RIF1: variants seen among roughly 807,000 people sequenced by gnomAD.
RIF1 encodes the protein telomere-associated protein RIF1.
RIF1 carries 45 observed loss-of-function variants against 247.1 expected under a neutral mutation model. The ratio of observed to expected loss-of-function variants is 0.18; its 90% CI spans 0.14 to 0.23. The LOEUF is 0.23. Ranked by LOEUF, RIF1 falls within the 10% of genes least tolerant of loss-of-function variation. The probability of loss-of-function intolerance (pLI) is 1.00; values close to 1 mark genes in which losing one functional copy is unlikely to be tolerated. For synonymous variants in RIF1, 1,087 were observed against 978.8 expected, an observed-to-expected ratio of 1.11 and a Z score of -2.06; for missense variants, 2,967 against 2,862.5, an observed-to-expected ratio of 1.04 and a Z score of -0.83.
the RIF1 span, among the ~76,000 whole-genome samples, chr2:151,520,622 T>C: frequency 6.6e-6 from 1 of 152,128 alleles, no homozygotes. Context: ...CTCAGCACTT[T>C]AGGAGGCCAA....
At chr2:151,492,048 C>T (rs1330210790) in intron 9 of RIF1, 1 of 1,568,504 alleles carries the variant, frequency 6.4e-7, no homozygotes. Flanking sequence ...TTTTGTTCTT[C>T]TACCCCCTCA....
the RIF1 span, among the ~76,000 whole-genome samples, chr2:151,515,400 A>G: frequency 3.9e-5 from 6 of 152,248 alleles, no homozygotes; most frequent in South Asian, 2.1e-4. Context: ...TTTTTTTAAT[A>G]TGGGGTCTTG....
Position 151,457,969 on chromosome 2 carries a change from C to G in RIF1, c.2855+6C>G. 1 of 1,604,760 alleles carries G rather than the reference C, an allele frequency of 6.2e-7. No individual in the cohort carries two copies. The highest frequency in any genetic ancestry group is 1.3e-5 in the African/African-American group (1 of 74,810). On this transcript the variant is annotated splice_donor_region_variant and intron_variant, in intron 24 of 35. Coordinates refer to ENST00000444746, the MANE Select transcript of RIF1 (RefSeq NM_018151.5). ...GTTTATCCTGAAGAGTTAAAGTATG[C>G]TAACAACAAAACTTATATACAACTA...
At chr2:151,474,771 G>T (rs925515137) in intron 35 of RIF1, 86 bp from the exon 36 acceptor site, 1 of 759,824 alleles carries the variant, frequency 1.3e-6, no homozygotes, top group Non-Finnish European at 2.2e-6. Context: ...TGAAACCTAG[G>T]CACTTGGACT....
chr2:151,460,185 A>G (rs1445103177), intron 26 of RIF1, 66 bp downstream of exon 26: 1 of 1,230,690 alleles, frequency 8.1e-7, no homozygotes, highest in South Asian at 1.6e-5. Context: ...ATACAACTTT[A>G]AAAATTGGAT....
At chr2:151,522,985 C>T in the RIF1 span, among the ~76,000 whole-genome samples, 1 of 152,194 alleles carries the variant, frequency 6.6e-6, no homozygotes, top group Non-Finnish European at 1.5e-5. Flanking sequence ...TCCCATTCTC[C>T]ATACCATAGG....
intron 12 of RIF1, chr2:151,503,388 C>G (rs978270748): frequency 6.2e-7 from 1 of 1,612,892 alleles, no homozygotes; most frequent in East Asian, 2.2e-5. Context: ...CTCTCTCAAT[C>G]TCTGGAGTCA....
At chr2:151,435,608 CT>C in intron 11 of RIF1, 28 bp downstream of exon 11, 3 of 1,280,944 alleles carry the variant, frequency 2.3e-6, no homozygotes, top group Non-Finnish European at 2.3e-6. Context: ...TTGTTTTTTG[CT>C]TTTTTAATCA....
intron 9 of RIF1, chr2:151,492,316 A>G (rs746169321): frequency 5.0e-6 from 8 of 1,601,750 alleles, no homozygotes; most frequent in Non-Finnish European, 6.0e-6. Flanking sequence ...TGAAAATATG[A>G]TGGTGTGACT....
intron 10 of RIF1, among the ~76,000 whole-genome samples, chr2:151,496,525 A>T (rs1016146355): frequency 1.3e-5 from 2 of 152,162 alleles, no homozygotes; most frequent in Non-Finnish European, 2.9e-5. Flanking sequence ...ACTTTAGTGG[A>T]AGCTGTTGTT....
rs1192077130 is a variant in RIF1, at chr2:151,477,715, C to CT, written c.*2654dup. On this transcript the variant is annotated 3_prime_UTR_variant, in exon 36 of 36. Coordinates refer to ENST00000444746, the MANE Select transcript of RIF1 (RefSeq NM_018151.5). ...GTGAGCCACCCCACCTGGCCATTTT[C>CT]TTTTTTTTTTGAGGTGGAGTTTTCG... 352 of 144,604 alleles carry CT rather than the reference C, an allele frequency of 2.4e-3. 1 individual carries two copies. The highest frequency in any genetic ancestry group is 3.0e-3 in the Admixed American group (44 of 14,496). The allele number at this position is 144,604 out of a possible 1,614,324, so 9.0% of individuals were successfully genotyped here. A position where few individuals can be genotyped will look rare whatever the true frequency, so the allele number is the denominator to read the frequency against.
chr2:151,477,436 A>T lies in RIF1; in HGVS notation c.*2365A>T, dbSNP rs554390360. 6.6e-6 allele frequency: 1 copy of T among 150,952 alleles called. No homozygotes were observed. Among genetic ancestry groups the T allele is most frequent in the Non-Finnish European group, 1.5e-5 (1 of 67,792 alleles). The allele number at this position is 150,952 out of a possible 1,614,324, so 9.4% of individuals were successfully genotyped here. On this transcript the variant is annotated 3_prime_UTR_variant, in exon 36 of 36. Coordinates refer to ENST00000444746, the MANE Select transcript of RIF1 (RefSeq NM_018151.5). ...TGTAGTATCTTTTTTTTTTTTTGAGACACAGTCTTGCTCTGTTGCCTATGC... is the reference window on the plus strand; with the variant it reads ...TGTAGTATCTTTTTTTTTTTTTGAGTCACAGTCTTGCTCTGTTGCCTATGC...
the RIF1 span, chr2:151,527,661 G>T: frequency 9.9e-7 from 1 of 1,009,150 alleles, no homozygotes; most frequent in Non-Finnish European, 1.5e-6. Context: ...GCACAGAGGG[G>T]CTCTTGCATT....
chr2:151,412,942 G>GTT (rs1558924611), intron 3 of RIF1, among the ~76,000 whole-genome samples: 1 of 151,792 alleles, frequency 6.6e-6, no homozygotes, highest in Non-Finnish European at 1.5e-5. Context: ...TAATATCAGT[G>GTT]TTTATTCCAT....
rs1696630526 is a variant in RIF1 at position 151,464,525 on chromosome 2, G to A, written c.5005G>A (p.Val1669Met). The change falls in exon 30 of 36, where the codon GTG becomes ATG. Residue 1669 changes from valine (V) to methionine (M), a missense_variant. Coordinates refer to ENST00000444746, the MANE Select transcript of RIF1 (RefSeq NM_018151.5). Reference sequence around the variant, plus strand: ...AGAATATTCCTTTACAAGTCTACCTGTGCCAGAATCAAATCTAAGGACTAG... The same window carrying A: ...AGAATATTCCTTTACAAGTCTACCTATGCCAGAATCAAATCTAAGGACTAG... ...YAEYSFTSLPVPESNLRTRNA... is the reference protein window; with the variant it reads ...YAEYSFTSLPMPESNLRTRNA... The A allele has an allele frequency of 1.9e-6, 3 of 1,611,886 alleles. No homozygotes were observed. In the African/African-American group the frequency reaches 4.0e-5, roughly 22 times the overall value.
chr2:151,522,909 G>A, the RIF1 span, among the ~76,000 whole-genome samples: 1 of 152,106 alleles, frequency 6.6e-6, no homozygotes, highest in African/African-American at 2.4e-5. Context: ...TTGGGCCCAG[G>A]GCCACACCAT....
intron 9 of RIF1, chr2:151,492,061 T>G (rs763159352): frequency 6.3e-7 from 1 of 1,598,476 alleles, no homozygotes; most frequent in African/African-American, 1.3e-5. Context: ...CCCCCTCACT[T>G]AAAGTTAATC....
At chr2:151,416,754 A>G in intron 5 of RIF1, 53 bp from the exon 6 acceptor site, 1 of 1,601,400 alleles carries the variant, frequency 6.2e-7, no homozygotes, top group East Asian at 2.2e-5. Flanking sequence ...CTATAATGCC[A>G]ATAAAAACAG....
In RIF1 at chr2:151,489,957, T is replaced by C. The variant is rs1247185102; in HGVS notation, c.*416-5272T>C. 1.2e-5 allele frequency: 19 copies of C among 1,520,402 alleles called. No individual in the cohort carries two copies. Among genetic ancestry groups the C allele is most frequent in the Non-Finnish European group, 1.7e-5 (19 of 1,094,704 alleles). The allele number at this position is 1,520,402 out of a possible 1,614,324, so 94.2% of individuals were successfully genotyped here. A position where few individuals can be genotyped will look rare whatever the true frequency, so the allele number is the denominator to read the frequency against. On this transcript the variant is annotated intron_variant and NMD_transcript_variant, in intron 9 of 13. Transcript: ENST00000454583. ...TTAAGAATAATTTATTTAAGTGAGTTGTTATTCACTTACTCCAGCAGTAGA... is the reference window on the plus strand; with the variant it reads ...TTAAGAATAATTTATTTAAGTGAGTCGTTATTCACTTACTCCAGCAGTAGA...
Sources: allele counts gnomAD v4.1 joint callset (sites outside exome capture counted in the v4.1 genomes callset), GRCh38; gene constraint gnomAD v4.1.1; transcripts MANE v1.5; gene names NCBI Gene and HGNC (gene_info 2026-07-23, HGNC 2026-07-21).